TPP2: variants seen among roughly 807,000 people sequenced by gnomAD.
TPP2 encodes the protein tripeptidyl-peptidase 2.
In TPP2, 34 loss-of-function variants were observed where a neutral mutation model predicts 155.9. That is an observed-to-expected ratio of 0.22 (90% CI 0.17 to 0.29). TPP2 has a LOEUF of 0.29. Ranked by LOEUF, TPP2 falls within the 10% of genes least tolerant of loss-of-function variation. TPP2 has a pLI of 1.00. For synonymous variants in TPP2, 510 were observed against 529.4 expected (o/e 0.96, Z 0.50); for missense variants, 1,028 against 1,522.3 (o/e 0.68, Z 5.40).
intron 2 of TPP2, among the ~76,000 whole-genome samples, chr13:102,612,656 T>C (rs1880410614): frequency 6.6e-6 from 1 of 152,186 alleles, no homozygotes; most frequent in Non-Finnish European, 1.5e-5. Context: ...TTTTTTGGTG[T>C]AATTTTTGTA....
intron 27 of TPP2, among the ~76,000 whole-genome samples, chr13:102,666,767 T>TC (rs386380507): frequency 6.3e-4 from 6 of 9,590 alleles, no homozygotes; most frequent in Middle Eastern, 0.083. Context: ...TTTTAATCTC[T>TC]TTTTTTTTTT....
At chr13:102,643,435 T>A in intron 17 of TPP2, 59 bp downstream of exon 17, 1 of 1,359,788 alleles carries the variant, frequency 7.4e-7, no homozygotes, top group Non-Finnish European at 9.6e-7. Context: ...TGGTATGGGC[T>A]AAGACTAAGT....
rs539101262 is a variant in TPP2 at position 102,649,222 on chromosome 13, C to T, written c.2873+71C>T. The T allele has an allele frequency of 3.8e-5, 57 of 1,517,472 alleles. No homozygotes were observed. In the East Asian group the frequency reaches 1.2e-3, roughly 33 times the overall value. The allele number at this position is 1,517,472 out of a possible 1,614,324, so 94.0% of individuals were successfully genotyped here. ...TAGTCCTTTTAATGTCAGTTTATGA[C>T]ATCTAGGCTAAATTTAGAGGATGTA... On this transcript the variant is annotated intron_variant, in intron 22 of 29. Transcript: ENST00000376052.
intron 27 of TPP2, chr13:102,667,958 G>T: frequency 3.9e-6 from 1 of 258,094 alleles, no homozygotes; most frequent in Non-Finnish European, 6.1e-6. Flanking sequence ...CCCTGAGCCA[G>T]CGACGCTCAC....
chr13:102,618,155 A>G (rs1880888534), intron 4 of TPP2, among the ~76,000 whole-genome samples: 1 of 152,322 alleles, frequency 6.6e-6, no homozygotes, highest in African/African-American at 2.4e-5. Flanking sequence ...ACGTAATCGA[A>G]TTTAAAGCAC....
At chr13:102,648,608 G>A (rs1883293306) in intron 21 of TPP2, among the ~76,000 whole-genome samples, 1 of 152,016 alleles carries the variant, frequency 6.6e-6, no homozygotes, top group African/African-American at 2.4e-5. Context: ...CTAAAAGTGT[G>A]GGAGTATTCT....
chr13:102,601,328 G>A (rs2139402976), intron 1 of TPP2, among the ~76,000 whole-genome samples: 1 of 152,148 alleles, frequency 6.6e-6, no homozygotes, highest in Admixed American at 6.5e-5. Context: ...CATTAACTTT[G>A]TGTTGTTTAT....
chr13:102,645,519 G>T (rs907901232), intron 19 of TPP2, among the ~76,000 whole-genome samples: 3 of 152,126 alleles, frequency 2.0e-5, no homozygotes, highest in Admixed American at 6.5e-5. Context: ...TAACTCATCG[G>T]CATGAAGCCT....
At position 102,637,236 on chromosome 13, in the gene TPP2, A is replaced by G. The variant is rs751127525; in HGVS notation, c.1833A>G (p.Thr611=). The G allele has an allele frequency of 2.5e-6, 4 of 1,593,038 alleles. No individual in the cohort carries two copies. Among genetic ancestry groups the G allele is most frequent in the Non-Finnish European group, 3.4e-6 (4 of 1,176,538 alleles). The part of the protein sequence containing the change: ...PRGLREGLHY[T]EVCGYDIASP... ...GCTTAAGAGAAGGATTGCATTATAC[A>G]GAGGTATTGATGTATCTTCATTTTT... Residue 611 remains threonine, a synonymous_variant, in exon 14 of 30, where the codon ACA becomes ACG. Coordinates refer to ENST00000376052, the MANE Select transcript of TPP2 (RefSeq NM_001330588.2).
chr13:102,610,206 C>T (rs979121973), intron 2 of TPP2, among the ~76,000 whole-genome samples: 8 of 152,140 alleles, frequency 5.3e-5, no homozygotes, highest in South Asian at 2.1e-4. Flanking sequence ...TTGATGTAGT[C>T]GTGCATTTAT....
intron 5 of TPP2, among the ~76,000 whole-genome samples, chr13:102,619,241 A>G (rs981309536): frequency 6.6e-6 from 1 of 152,224 alleles, no homozygotes; most frequent in Non-Finnish European, 1.5e-5. Context: ...TTCTATTACT[A>G]AAACTAATAA....
At chr13:102,655,107 G>C (rs1287846873) in intron 24 of TPP2, 1 of 458,952 alleles carries the variant, frequency 2.2e-6, no homozygotes, top group East Asian at 6.8e-5. Context: ...CATCAAAGTG[G>C]TTTTCTGTGC....
At chr13:102,616,820 G>A (rs1288413185) in intron 4 of TPP2, among the ~76,000 whole-genome samples, 2 of 152,140 alleles carry the variant, frequency 1.3e-5, no homozygotes, top group African/African-American at 4.8e-5. Flanking sequence ...CCTTCCGAAA[G>A]ACAACCACCA....
chr13:102,618,642 A>C, intron 4 of TPP2, 80 bp from the exon 5 acceptor site: 1 of 1,519,068 alleles, frequency 6.6e-7, no homozygotes, highest in Non-Finnish European at 8.8e-7. Flanking sequence ...ATGGATTAAC[A>C]TTGTATCTTT....
In TPP2 at chr13:102,645,008, C is replaced by T. The variant is rs1356933086; in HGVS notation, c.2392C>T (p.Arg798Cys). 3.1e-6 allele frequency: 5 copies of T among 1,612,598 alleles called. No homozygotes were observed. The highest frequency in any genetic ancestry group is 4.2e-6 in the Non-Finnish European group (5 of 1,179,016). ...ITLKNWVQTLRPVSAKTKPLG... is the reference protein window; with the variant it reads ...ITLKNWVQTLCPVSAKTKPLG... The stretch of plus-strand genomic sequence containing the variant: ...TTTGAAGAACTGGGTCCAAACACTG[C>T]GGTATCATTCAATGTTTTAGGAACT... The change falls in exon 19 of 30, where the codon CGC becomes TGC. Residue 798 changes from arginine to cysteine, a missense_variant and splice_region_variant. Coordinates refer to ENST00000376052, the MANE Select transcript of TPP2 (RefSeq NM_001330588.2).
intron 8 of TPP2, 57 bp downstream of exon 8, chr13:102,627,981 G>C: frequency 7.2e-7 from 1 of 1,384,632 alleles, no homozygotes; most frequent in South Asian, 1.2e-5. Context: ...AAGAGTATGA[G>C]ATGTTTTTCA....
intron 2 of TPP2, among the ~76,000 whole-genome samples, chr13:102,611,115 C>T (rs1310447058): frequency 6.6e-6 from 1 of 152,102 alleles, no homozygotes; most frequent in East Asian, 1.9e-4. Flanking sequence ...TGAGACTTGC[C>T]CATGTTGTCA....
intron 1 of TPP2, among the ~76,000 whole-genome samples, chr13:102,599,156 C>G (rs1003765204): frequency 2.6e-5 from 4 of 152,068 alleles, no homozygotes; most frequent in Non-Finnish European, 4.4e-5. Context: ...TCCATGTGTA[C>G]TCAATATTTA....
chr13:102,599,429 A>C (rs572372721), intron 1 of TPP2, among the ~76,000 whole-genome samples: 15 of 152,230 alleles, frequency 9.9e-5, no homozygotes, highest in African/African-American at 3.6e-4. Flanking sequence ...TTTTGTAGAT[A>C]TATGTGTACA....
Sources: gnomAD v4.1 joint callset for allele counts (sites outside exome capture counted in the v4.1 genomes callset) on GRCh38, gnomAD v4.1.1 for gene constraint, MANE v1.5 for transcripts, NCBI Gene and HGNC (gene_info 2026-07-23, HGNC 2026-07-21) for gene names.